The following GLG1 variants were observed in gnomAD, a reference collection of about 807,000 sequenced individuals.
GLG1 encodes the protein golgi glycoprotein 1.
A neutral mutation model predicts 160.5 loss-of-function variants in GLG1; 38 were observed. The observed-to-expected ratio is 0.24, with a 90% confidence interval of 0.18 to 0.31. The LOEUF (loss-of-function observed/expected upper bound fraction) is 0.31, where lower values mean the gene tolerates loss of function less well. GLG1 is among the 10% of genes least tolerant of loss of function. The pLI is 1.00. For missense variants in GLG1, 1,373 were observed against 1,505.2 expected (o/e 0.91, Z 1.45); for synonymous variants, 644 against 543.4 (o/e 1.19, Z -2.57).
intron 1 of GLG1, among the ~76,000 whole-genome samples, chr16:74,533,223 A>G (rs796982319): frequency 6.6e-5 from 10 of 152,296 alleles, no homozygotes; most frequent in African/African-American, 2.4e-4. Context: ...CTGGAGGCAG[A>G]GGCAGGAGAA....
chr16:74,580,435 G>A (rs1957912908), intron 1 of GLG1, among the ~76,000 whole-genome samples: 1 of 152,138 alleles, frequency 6.6e-6, no homozygotes, highest in Non-Finnish European at 1.5e-5. Context: ...GGAGGTCAAG[G>A]CTGCAGTAAG....
At chr16:74,566,730 C>T (rs1205231480) in intron 1 of GLG1, among the ~76,000 whole-genome samples, 2 of 152,022 alleles carry the variant, frequency 1.3e-5, no homozygotes, top group Non-Finnish European at 2.9e-5. Context: ...AGTAGCATTA[C>T]AGAGTCAAGA....
At chr16:74,522,006 C>G (rs1232034129) in intron 2 of GLG1, among the ~76,000 whole-genome samples, 2 of 152,202 alleles carry the variant, frequency 1.3e-5, no homozygotes, top group African/African-American at 4.8e-5. Context: ...AGTACGGCAT[C>G]CCGATTGGGC....
intron 1 of GLG1, among the ~76,000 whole-genome samples, chr16:74,534,829 G>A (rs1274379222): frequency 6.6e-6 from 1 of 152,214 alleles, no homozygotes; most frequent in Admixed American, 6.5e-5. Flanking sequence ...GCAGTTAATT[G>A]AGTCTCCATG....
intron 1 of GLG1, among the ~76,000 whole-genome samples, chr16:74,569,993 G>A (rs974060161): frequency 1.3e-4 from 20 of 150,230 alleles, no homozygotes; most frequent in Admixed American, 4.0e-4. Context: ...GACCAGTTTG[G>A]GCAACACAGC....
rs569636652 is a variant in GLG1, at chr16:74,495,265, C to T, written c.979-434G>A. ...AGTAGCTGGGATTACAGGCCCCCGC[C>T]ACCCTGCCCAACTAATTTTTTTATT... On this transcript the variant is annotated intron_variant, in intron 5 of 25. Coordinates refer to ENST00000422840, the MANE Select transcript of GLG1 (RefSeq NM_001145667.2). Among the ~76,000 whole-genome samples the T allele has an allele frequency of 2.6e-5, 4 of 152,242 alleles. No individual in the cohort carries two copies. In the South Asian group the frequency reaches 6.2e-4, roughly 24 times the overall value.
intron 1 of GLG1, among the ~76,000 whole-genome samples, chr16:74,579,368 A>G (rs1443217317): frequency 6.6e-6 from 1 of 150,630 alleles, no homozygotes; most frequent in East Asian, 2.0e-4. Context: ...GTGAGCCGTG[A>G]TTGTGCCAGT....
intron 1 of GLG1, among the ~76,000 whole-genome samples, chr16:74,588,748 T>C (rs1475185401): frequency 6.6e-6 from 1 of 152,084 alleles, no homozygotes; most frequent in African/African-American, 2.4e-5. Flanking sequence ...CTTGGGCAAA[T>C]AAAAATCTAT....
At chr16:74,471,076 C>G (rs553291124) in intron 15 of GLG1, 97 bp downstream of exon 15, 1 of 761,270 alleles carries the variant, frequency 1.3e-6, no homozygotes, top group Non-Finnish European at 2.4e-6. Flanking sequence ...TGACTTTTAA[C>G]AGAACATCAG....
At chr16:74,466,215 A>C (rs2014995589) in intron 18 of GLG1, among the ~76,000 whole-genome samples, 2 of 152,224 alleles carry the variant, frequency 1.3e-5, no homozygotes. Context: ...ACCACCTGAG[A>C]AAGACTACTG....
At chr16:74,508,078 A>T (rs2016678010) in intron 3 of GLG1, among the ~76,000 whole-genome samples, 1 of 152,096 alleles carries the variant, frequency 6.6e-6, no homozygotes, top group South Asian at 2.1e-4. Context: ...AGTCCCCATA[A>T]TGACACAAGG....
intron 8 of GLG1, among the ~76,000 whole-genome samples, chr16:74,487,615 A>G (rs1183040940): frequency 2.0e-5 from 3 of 152,000 alleles, no homozygotes; most frequent in Non-Finnish European, 4.4e-5. Context: ...ATGATTACCA[A>G]TGTTACTTAT....
chr16:74,488,451 T>A (rs1237592787), intron 8 of GLG1, among the ~76,000 whole-genome samples: 1 of 152,130 alleles, frequency 6.6e-6, no homozygotes, highest in Non-Finnish European at 1.5e-5. Context: ...TTCGTCAATT[T>A]GACTGGGGAT....
At chr16:74,533,477 C>G (rs1441483007) in intron 1 of GLG1, among the ~76,000 whole-genome samples, 6 of 152,170 alleles carry the variant, frequency 3.9e-5, no homozygotes, top group Non-Finnish European at 8.8e-5. Flanking sequence ...ATAAAACACA[C>G]CATAAGGCGG....
intron 8 of GLG1, 76 bp downstream of exon 8, chr16:74,490,925 G>A (rs557151454): frequency 1.5e-4 from 143 of 985,646 alleles, no homozygotes; most frequent in Middle Eastern, 3.0e-4. Flanking sequence ...TATAAAGCAA[G>A]GTGGGACAGC....
At chr16:74,454,232 G>C (rs1055900127) in intron 25 of GLG1, among the ~76,000 whole-genome samples, 4 of 151,722 alleles carry the variant, frequency 2.6e-5, no homozygotes, top group African/African-American at 9.7e-5. Flanking sequence ...TTGAGTTGGG[G>C]TCTCGCGCTG....
intron 1 of GLG1, among the ~76,000 whole-genome samples, chr16:74,599,980 G>A (rs1048583285): frequency 6.6e-6 from 1 of 152,228 alleles, no homozygotes; most frequent in East Asian, 1.9e-4. Flanking sequence ...GTTGCAGTGA[G>A]GTGAGATCGC....
chr16:74,491,292 G>A, intron 7 of GLG1, 77 bp from the exon 8 acceptor site: 1 of 1,011,528 alleles, frequency 9.9e-7, no homozygotes, highest in South Asian at 1.3e-5. Context: ...CCTATTAAAA[G>A]TACATATTTC....
At chr16:74,470,465 T>C (rs2015164764) in intron 15 of GLG1, among the ~76,000 whole-genome samples, 2 of 140,830 alleles carry the variant, frequency 1.4e-5, no homozygotes, top group Admixed American at 7.6e-5. Context: ...TTTTTTTTTT[T>C]TTGACAGAGC....
Sources: gnomAD v4.1 joint callset for allele counts (sites outside exome capture counted in the v4.1 genomes callset) on GRCh38, gnomAD v4.1.1 for gene constraint, MANE v1.5 for transcripts, NCBI Gene and HGNC (gene_info 2026-07-23, HGNC 2026-07-21) for gene names.